DLG2: variants seen among roughly 807,000 people sequenced by gnomAD.
The protein encoded by DLG2 is discs large MAGUK scaffold protein 2.
Under a neutral mutation model 132.5 loss-of-function variants are expected in DLG2, and 45 were observed. That is an observed-to-expected ratio of 0.34 (90% confidence interval 0.27 to 0.44). The LOEUF (loss-of-function observed/expected upper bound fraction) is 0.44, where lower values mean the gene tolerates loss of function less well. Among genes scored for constraint, DLG2 ranks in the 20% least tolerant of loss-of-function variants. The probability of loss-of-function intolerance (pLI) is 1.00; values close to 1 mark genes in which losing one functional copy is unlikely to be tolerated. For missense variants in DLG2, 1,045 were observed against 1,196.9 expected, an observed-to-expected ratio of 0.87 and a Z score of 1.87; for synonymous variants, 424 against 419.6, an observed-to-expected ratio of 1.01 and a Z score of -0.13.
intron 7 of DLG2, among the ~76,000 whole-genome samples, chr11:84,531,119 A>T (rs2099338245): frequency 6.6e-6 from 1 of 152,218 alleles, no homozygotes. Flanking sequence ...TCGTTTCAAA[A>T]AAGAAAAGAA....
chr11:83,694,836 G>A (rs12225388), intron 18 of DLG2, among the ~76,000 whole-genome samples: 43,115 of 152,148 alleles, frequency 0.28, 7,819 homozygotes, highest in African/African-American at 0.52. Flanking sequence ...ATGAAAGATC[G>A]GAATGTGGCA....
chr11:84,777,520 C>T (rs76170807), intron 6 of DLG2, among the ~76,000 whole-genome samples: 9,571 of 151,330 alleles, frequency 0.063, 370 homozygotes, highest in Non-Finnish European at 0.093. Flanking sequence ...TTTGAGAAAA[C>T]TCCATACTGT....
intron 17 of DLG2, among the ~76,000 whole-genome samples, chr11:83,812,884 A>T (rs1035775297): frequency 1.3e-5 from 2 of 152,172 alleles, no homozygotes; most frequent in African/African-American, 2.4e-5. Context: ...TGATGACCAG[A>T]AGGCCAATGC....
intron 7 of DLG2, among the ~76,000 whole-genome samples, chr11:84,476,449 A>G (rs2099121881): frequency 6.6e-6 from 1 of 152,168 alleles, no homozygotes; most frequent in African/African-American, 2.4e-5. Context: ...AAGCTCAGAA[A>G]AATTAGAGAT....
intron 21 of DLG2, among the ~76,000 whole-genome samples, chr11:83,497,880 T>G (rs2094232020): frequency 6.6e-6 from 1 of 151,902 alleles, no homozygotes. Flanking sequence ...CAATTAACCT[T>G]TACTCCCTTT....
rs763856707 is a variant in DLG2, at chr11:84,194,958, C to T, written c.574-31447G>A. On this transcript the variant is annotated intron_variant, in intron 8 of 27. Transcript: ENST00000376104. ...GCCGCGTGCAGCCTCGGTTCTCACT[C>T]GCACCTCTCCCTCCACACCTCCCTG... Among the ~76,000 whole-genome samples, 14 of 152,298 alleles carry T rather than the reference C, an allele frequency of 9.2e-5. No homozygotes were observed. The South Asian group carries it at 1.0e-3, about 11-fold the overall frequency.
At chr11:85,484,241 C>T (rs1318785398) in intron 3 of DLG2, among the ~76,000 whole-genome samples, 4 of 149,374 alleles carry the variant, frequency 2.7e-5, no homozygotes, top group Non-Finnish European at 5.9e-5. Flanking sequence ...CCCTCTCCCA[C>T]CGCCCCTCCT....
chr11:85,544,530 A>C (rs1371530677), intron 3 of DLG2, among the ~76,000 whole-genome samples: 1 of 152,198 alleles, frequency 6.6e-6, no homozygotes, highest in Non-Finnish European at 1.5e-5. Context: ...TCTGGGAAAA[A>C]AGTCAATGGT....
At chr11:84,788,947 C>G (rs750016927) in intron 6 of DLG2, among the ~76,000 whole-genome samples, 1 of 151,896 alleles carries the variant, frequency 6.6e-6, no homozygotes, top group Non-Finnish European at 1.5e-5. Flanking sequence ...AAGACCAGAA[C>G]AGAAGATGGT....
chr11:85,554,923 A>G (rs889732550), intron 3 of DLG2, among the ~76,000 whole-genome samples: 2 of 151,426 alleles, frequency 1.3e-5, no homozygotes, highest in Non-Finnish European at 3.0e-5. Context: ...GACAGTGCAC[A>G]AGGATCATTT....
At chr11:84,046,043 C>T (rs2096235983) in intron 11 of DLG2, among the ~76,000 whole-genome samples, 1 of 151,602 alleles carries the variant, frequency 6.6e-6, no homozygotes, top group African/African-American at 2.4e-5. Flanking sequence ...GGAAAACTTT[C>T]TCTCCAGAGT....
chr11:83,870,218 T>C (rs750451890), intron 16 of DLG2, among the ~76,000 whole-genome samples: 1 of 152,222 alleles, frequency 6.6e-6, no homozygotes, highest in Admixed American at 6.5e-5. Context: ...GTGCTTTTAG[T>C]GTATCCATCA....
chr11:84,623,011 C>T (rs1231067605), intron 6 of DLG2, among the ~76,000 whole-genome samples: 1 of 152,048 alleles, frequency 6.6e-6, no homozygotes, highest in Non-Finnish European at 1.5e-5. Context: ...TAGTGCAGGC[C>T]CTTATTAACT....
chr11:83,499,852 G>GACATAT (rs2094358910), intron 21 of DLG2, among the ~76,000 whole-genome samples: 2 of 61,624 alleles, frequency 3.2e-5, no homozygotes, highest in Non-Finnish European at 6.7e-5. Context: ...ACTAATAGGA[G>GACATAT]ATATATATAT....
At chr11:84,822,235 CTAAT>C (rs781359069) in intron 6 of DLG2, among the ~76,000 whole-genome samples, 13 of 151,700 alleles carry the variant, frequency 8.6e-5, no homozygotes, top group African/African-American at 1.5e-4. Context: ...GTTAATTAAA[CTAAT>C]TAACTCCTCC....
intron 7 of DLG2, among the ~76,000 whole-genome samples, chr11:84,532,556 C>T (rs1448208203): frequency 6.6e-6 from 1 of 151,992 alleles, no homozygotes; most frequent in Non-Finnish European, 1.5e-5. Context: ...AGTGCAGTGG[C>T]GTGATCATGG....
chr11:85,196,985 T>C (rs1024293027), intron 4 of DLG2, among the ~76,000 whole-genome samples: 2 of 152,210 alleles, frequency 1.3e-5, no homozygotes, highest in African/African-American at 4.8e-5. Context: ...TCCTCTCATA[T>C]GACACAACAG....
At chr11:84,475,361 G>A (rs981326917) in intron 7 of DLG2, among the ~76,000 whole-genome samples, 7 of 152,038 alleles carry the variant, frequency 4.6e-5, no homozygotes, top group East Asian at 1.9e-4. Flanking sequence ...TCAAATAGAC[G>A]TAGTTTAGAA....
At chr11:84,964,996 T>C (rs547996819) in intron 6 of DLG2, among the ~76,000 whole-genome samples, 75 of 152,236 alleles carry the variant, frequency 4.9e-4, no homozygotes, top group African/African-American at 1.8e-3. Flanking sequence ...AAATAATTCA[T>C]AATTATCTTT....
Sources: allele counts gnomAD v4.1 joint callset (sites outside exome capture counted in the v4.1 genomes callset), GRCh38; gene constraint gnomAD v4.1.1; transcripts MANE v1.5; gene names NCBI Gene and HGNC (gene_info 2026-07-23, HGNC 2026-07-21).